Variants in ABCC6 observed in about 807,000 individuals in gnomAD.
ABCC6 encodes the protein ATP binding cassette subfamily C member 6, also known as ATP-binding cassette sub-family C member 6.
In ABCC6, 126 loss-of-function variants were observed where a neutral mutation model predicts 169.5. The ratio of observed to expected loss-of-function variants is 0.74; its 90% CI spans 0.64 to 0.86. The LOEUF (loss-of-function observed/expected upper bound fraction) is 0.86. Ranked by LOEUF, ABCC6 falls within the 40% of genes least tolerant of loss-of-function variation. The pLI is 0.00. For synonymous variants in ABCC6, 752 were observed against 814.7 expected (o/e 0.92, Z 1.31); for missense variants, 1,733 against 1,927.2 (o/e 0.90, Z 1.89).
At chr16:16,179,092 T>A in intron 17 of ABCC6, 127 bp from the exon 18 acceptor site, 1 of 1,073,436 alleles carries the variant, frequency 9.3e-7, no homozygotes, top group Non-Finnish European at 1.4e-6. Flanking sequence ...GCCTATTCCC[T>A]GGGGACAGGC....
intron 11 of ABCC6, among the ~76,000 whole-genome samples, chr16:16,191,147 C>G (rs2047840644): frequency 6.6e-6 from 1 of 152,000 alleles, no homozygotes. Context: ...ACCGAGTCTT[C>G]CTCTGTCGCC....
intron 29 of ABCC6, among the ~76,000 whole-genome samples, chr16:16,151,650 T>C (rs1436363403): frequency 1.3e-5 from 2 of 152,226 alleles, no homozygotes; most frequent in Non-Finnish European, 2.9e-5. Flanking sequence ...CTATTTCTAG[T>C]TTCCACCTTG....
At chr16:16,157,298 A>G (rs1182887408) in intron 27 of ABCC6, among the ~76,000 whole-genome samples, 3 of 152,316 alleles carry the variant, frequency 2.0e-5, no homozygotes, top group Admixed American at 6.5e-5. Context: ...AGACTGAGCT[A>G]TGAAGTGCTT....
chr16:16,191,140 G>A (rs1366782019), intron 11 of ABCC6, among the ~76,000 whole-genome samples: 1 of 151,950 alleles, frequency 6.6e-6, no homozygotes, highest in East Asian at 1.9e-4. Flanking sequence ...TTTTGAGACC[G>A]AGTCTTCCTC....
intron 4 of ABCC6, among the ~76,000 whole-genome samples, chr16:16,215,719 C>T (rs959994400): frequency 3.1e-4 from 47 of 152,020 alleles, no homozygotes; most frequent in African/African-American, 1.1e-3. Flanking sequence ...GGTGATCCGC[C>T]TGCCTTGGCC....
chr16:16,150,741 G>T lies in ABCC6; in HGVS notation c.4240C>A (p.Arg1414Ser), dbSNP rs760611511. Residue 1414 changes from arginine (R) to serine (S), a missense_variant, in exon 30 of 31, where the codon CGT becomes AGT. This residue lies in a region of ABCC6 where 1,601 missense variants were observed against 1,635.5 expected (regional missense o/e 0.98). Coordinates refer to ENST00000205557, the MANE Select transcript of ABCC6 (RefSeq NM_001171.6). Reference protein sequence around the residue: ...VGQKQLLCLARALLRKTQILI... With the variant: ...VGQKQLLCLASALLRKTQILI... ...ATCTGGGTCTTCCGGAGAAGGGCAC[G>T]TGCCAGACACAGGAGCTGTTTCTGG... 52 of 1,613,876 alleles carry T rather than the reference G, an allele frequency of 3.2e-5. 1 individual carries two copies. The South Asian group carries it at 4.8e-4, about 15-fold the overall frequency.
chr16:16,201,783 G>C (rs951820940), intron 9 of ABCC6, among the ~76,000 whole-genome samples: 1 of 152,128 alleles, frequency 6.6e-6, no homozygotes, highest in Non-Finnish European at 1.5e-5. Context: ...AGCCGAGATT[G>C]CACCACTGCA....
chr16:16,197,342 C>T (rs887419279), intron 10 of ABCC6, among the ~76,000 whole-genome samples: 2 of 151,944 alleles, frequency 1.3e-5, no homozygotes, highest in Non-Finnish European at 2.9e-5. Flanking sequence ...AAGTGAAGGT[C>T]ATCCTTATTG....
intron 20 of ABCC6, among the ~76,000 whole-genome samples, chr16:16,174,760 A>AACCCCCCCCCCCCC (rs1555511582): frequency 1.1e-5 from 1 of 94,634 alleles, no homozygotes; most frequent in Non-Finnish European, 2.2e-5. Context: ...CTGTCTCAAA[A>AACCCCCCCCCCCCC]CCCCCCCCCG....
chr16:16,189,058 C>G (rs886948454), intron 12 of ABCC6, 84 bp from the exon 13 acceptor site: 1 of 1,507,638 alleles, frequency 6.6e-7, no homozygotes, highest in Admixed American at 1.7e-5. Context: ...GGTGCCTGCA[C>G]GGTCCATGTG....
chr16:16,157,606 C>T (rs2152215831), intron 27 of ABCC6, 57 bp downstream of exon 27: 1 of 1,609,772 alleles, frequency 6.2e-7, no homozygotes, highest in Admixed American at 1.7e-5. Flanking sequence ...AGGGCCTTGT[C>T]CCTGGAGTCC....
chr16:16,155,047 A>G lies in ABCC6; in HGVS notation c.3883-16T>C. The G allele has an allele frequency of 6.5e-7, 1 of 1,548,922 alleles. No individual in the cohort carries two copies. On this transcript the variant is annotated splice_polypyrimidine_tract_variant and intron_variant, in intron 27 of 30. Transcript: ENST00000205557. ...CGATGCCCACCTGCCCGGGGTTGGG[A>G]GGAAAGGCCTGCTCTGACCAGAGGG...
At chr16:16,190,625 C>A (rs556881522) in intron 11 of ABCC6, among the ~76,000 whole-genome samples, 1 of 151,818 alleles carries the variant, frequency 6.6e-6, no homozygotes, top group East Asian at 1.9e-4. Context: ...CAGCCTGAGC[C>A]CACCTGGGTA....
Position 16,219,998 on chromosome 16 carries a change from C to A in ABCC6, c.220-51G>T, listed in dbSNP as rs781122499. The A allele has an allele frequency of 2.1e-5, 32 of 1,529,714 alleles. No individual in the cohort carries two copies. The South Asian group carries it at 3.8e-4, about 18-fold the overall frequency. 94.8% of individuals were successfully genotyped at this position (1,529,714 alleles called of 1,614,324 possible). ...TGGGGGGCAATAAGAGAGGTCACAG[C>A]AAACTGGTAGGCGGCCCCATGTCCA... On this transcript the variant is annotated intron_variant, in intron 2 of 30. Coordinates refer to ENST00000205557, the MANE Select transcript of ABCC6 (RefSeq NM_001171.6).
At chr16:16,151,065 G>A (rs1481181481) in intron 29 of ABCC6, among the ~76,000 whole-genome samples, 4 of 151,304 alleles carry the variant, frequency 2.6e-5, no homozygotes, top group African/African-American at 4.9e-5. Context: ...TTTCTTCTTC[G>A]TTTTTCTTTT....
At chr16:16,194,696 G>A (rs7184822) in intron 10 of ABCC6, among the ~76,000 whole-genome samples, 26,416 of 151,846 alleles carry the variant, frequency 0.17, 3,886 homozygotes, top group East Asian at 0.54. Context: ...TTATTTATTT[G>A]TTTGTTTATT....
At chr16:16,208,327 G>A (rs2048462064) in intron 7 of ABCC6, among the ~76,000 whole-genome samples, 1 of 152,040 alleles carries the variant, frequency 6.6e-6, no homozygotes, top group Admixed American at 6.5e-5. Flanking sequence ...TGGACTGGGG[G>A]TCAAATGATG....
intron 7 of ABCC6, among the ~76,000 whole-genome samples, chr16:16,205,042 G>A (rs2048351089): frequency 6.6e-6 from 1 of 151,980 alleles, no homozygotes; most frequent in African/African-American, 2.4e-5. Flanking sequence ...CACAACGTTA[G>A]CCAGGCTGGT....
chr16:16,217,977 C>G (rs1369634512), intron 4 of ABCC6, among the ~76,000 whole-genome samples: 2 of 152,316 alleles, frequency 1.3e-5, no homozygotes, highest in East Asian at 3.9e-4. Context: ...GTAATCCCAG[C>G]TACTTGGGAG....
Sources: gnomAD v4.1 joint callset for allele counts (sites outside exome capture counted in the v4.1 genomes callset) on GRCh38, gnomAD v4.1.1 for gene constraint, gnomAD v4.1.1 regional missense constraint, MANE v1.5 for transcripts, NCBI Gene and HGNC (gene_info 2026-07-23, HGNC 2026-07-21) for gene names.